NECTIN2: variants seen among roughly 807,000 people sequenced by gnomAD.
NECTIN2 encodes nectin-2.
A neutral mutation model predicts 56.9 loss-of-function variants in NECTIN2; 23 were observed. The ratio of observed to expected loss-of-function variants is 0.40; its 90% CI spans 0.29 to 0.57. The LOEUF (loss-of-function observed/expected upper bound fraction) is 0.57, where lower values mean the gene tolerates loss of function less well. Among genes scored for constraint, NECTIN2 ranks in the 20% least tolerant of loss-of-function variants. NECTIN2 has a pLI of 0.38. For missense variants in NECTIN2, 587 were observed against 718.3 expected (o/e 0.82, Z 2.09); for synonymous variants, 302 against 313.8 (o/e 0.96, Z 0.40).
At chr19:44,878,992 A>T in intron 5 of NECTIN2, 10 of 825,600 alleles carry the variant, frequency 1.2e-5, no homozygotes, top group African/African-American at 1.8e-5. Flanking sequence ...GGGGAAAGAG[A>T]GGGTGGGACA....
chr19:44,873,530 G>A (rs1010435749), intron 3 of NECTIN2, among the ~76,000 whole-genome samples: 3 of 152,152 alleles, frequency 2.0e-5, no homozygotes, highest in Admixed American at 6.6e-5. Context: ...CCATTTGGGA[G>A]GCTGAGGCGG....
chr19:44,886,010 T>G lies in NECTIN2; in HGVS notation c.1260+10T>G. On this transcript the variant is annotated intron_variant, in intron 7 of 8. Transcript: ENST00000252483. ...GGAGGCACAGGAGATGGTGAGCACTTTCCCTGGAGCCCAAGCTATCCCCAC... is the reference window on the plus strand; with the variant it reads ...GGAGGCACAGGAGATGGTGAGCACTGTCCCTGGAGCCCAAGCTATCCCCAC... The G allele has an allele frequency of 6.3e-7, 1 of 1,597,986 alleles. No individual in the cohort carries two copies. The highest frequency in any genetic ancestry group is 8.6e-7 in the Non-Finnish European group (1 of 1,165,506).
intron 1 of NECTIN2, among the ~76,000 whole-genome samples, chr19:44,861,514 A>C (rs1969031290): frequency 6.6e-6 from 1 of 152,234 alleles, no homozygotes; most frequent in African/African-American, 2.4e-5. Context: ...ATGGGATCTA[A>C]TTAAACTAAA....
chr19:44,886,474 A>C (rs1452938439), intron 8 of NECTIN2, among the ~76,000 whole-genome samples: 1 of 152,154 alleles, frequency 6.6e-6, no homozygotes, highest in East Asian at 1.9e-4. Context: ...TAATCCCAGC[A>C]CTTTGGGAGG....
intron 8 of NECTIN2, 49 bp from the exon 9 acceptor site, chr19:44,888,061 G>A: frequency 6.3e-7 from 1 of 1,576,568 alleles, no homozygotes; most frequent in Non-Finnish European, 8.6e-7. Flanking sequence ...GGTAATCTGT[G>A]TCGTGCGTAG....
At chr19:44,877,202 CAG>C (rs1469956499) in intron 5 of NECTIN2, among the ~76,000 whole-genome samples, 27 of 152,308 alleles carry the variant, frequency 1.8e-4, no homozygotes, top group Admixed American at 3.3e-4. Flanking sequence ...TCCTGGGTCT[CAG>C]CCCCTCCTGT....
rs891133796 is a variant in NECTIN2 at position 44,853,575 on chromosome 19, G to A, written c.88+6962G>A. ...GCAATCTCAGCTCACTACAACCTCC[G>A]CCTGCTAGGTTCAAGTGATTCTCCT... On this transcript the variant is annotated intron_variant, in intron 1 of 8. Coordinates refer to ENST00000252483, the MANE Select transcript of NECTIN2 (RefSeq NM_001042724.2). Among the ~76,000 whole-genome samples the A allele has an allele frequency of 8.0e-5, 12 of 149,732 alleles. No individual in the cohort carries two copies. In the East Asian group the frequency reaches 1.4e-3, roughly 17 times the overall value.
chr19:44,856,405 C>T (rs1476376315), intron 1 of NECTIN2, among the ~76,000 whole-genome samples: 2 of 152,178 alleles, frequency 1.3e-5, no homozygotes, highest in African/African-American at 4.8e-5. Context: ...GCTGTCTGGT[C>T]ATCTATCTCT....
rs761478093 is a variant in NECTIN2, at chr19:44,874,392, T to C, written c.956T>C (p.Val319Ala). The C allele has an allele frequency of 1.9e-6, 3 of 1,614,146 alleles. No homozygotes were observed. The highest frequency in any genetic ancestry group is 2.5e-6 in the Non-Finnish European group (3 of 1,180,008). Residue 319 changes from valine (V) to alanine (A), a missense_variant, in exon 5 of 9, where the codon GTG becomes GCG. Transcript: ENST00000252483. The surrounding 1 kb of genome is among the most constrained non-coding windows in gnomAD (Gnocchi z 6.3). Reference sequence around the variant, plus strand: ...GGCTCCCAGCTGGTCATCCACGCAGTGGACAGTCTGTTCAATACCACCTTC... The same window carrying C: ...GGCTCCCAGCTGGTCATCCACGCAGCGGACAGTCTGTTCAATACCACCTTC... ...AQGSQLVIHA[V>A]DSLFNTTFVC...
intron 5 of NECTIN2, among the ~76,000 whole-genome samples, chr19:44,879,340 G>A (rs533074900): frequency 3.3e-5 from 5 of 152,162 alleles, no homozygotes; most frequent in African/African-American, 1.2e-4. Context: ...GGTTCCCTGC[G>A]TCCTGAGAGA....
intron 1 of NECTIN2, among the ~76,000 whole-genome samples, chr19:44,859,267 C>G (rs1049678672): frequency 1.3e-5 from 2 of 152,192 alleles, no homozygotes; most frequent in Non-Finnish European, 2.9e-5. Context: ...GTTTACTTAG[C>G]AAGCACTGAC....
In NECTIN2 at chr19:44,872,168, AC is replaced by A. The variant is rs774702843; in HGVS notation, c.775+23del. The A allele has an allele frequency of 2.4e-5, 39 of 1,602,902 alleles. No homozygotes were observed. Among genetic ancestry groups the A allele is most frequent in the Non-Finnish European group, 3.3e-5 (39 of 1,171,652 alleles). ...GTACGCTGTGAGTGTATCGGGGGTG[AC>A]CCCTCCCCCATCAAAACTGCCTACA... On this transcript the variant is annotated intron_variant, in intron 3 of 8. Transcript: ENST00000252483.
chr19:44,879,299 G>C (rs965714271), intron 5 of NECTIN2, among the ~76,000 whole-genome samples: 2 of 152,044 alleles, frequency 1.3e-5, no homozygotes, highest in African/African-American at 4.8e-5. Flanking sequence ...CTCGGGTGGA[G>C]GTGGGGGTGG....
Position 44,870,887 on chromosome 19 carries a change from G to A in NECTIN2, c.479-966G>A, listed in dbSNP as rs1332084095. ...TGGGATTACAGGCACCTGCCACCAC[G>A]CCCAGCTAATTTTTGCATTTTTAGT... On this transcript the variant is annotated intron_variant, in intron 2 of 8. Transcript: ENST00000252483. 2.6e-5 allele frequency among the ~76,000 whole-genome samples: 4 copies of A among 152,064 alleles called. 1 individual carries two copies. Among genetic ancestry groups the A allele is most frequent in the Non-Finnish European group, 5.9e-5 (4 of 67,974 alleles).
chr19:44,868,895 G>C (rs1425715483), intron 2 of NECTIN2, among the ~76,000 whole-genome samples: 1 of 149,600 alleles, frequency 6.7e-6, no homozygotes, highest in Non-Finnish European at 1.5e-5. Flanking sequence ...CTGGGCGACA[G>C]AGTGAGACTC....
chr19:44,874,695 G>A lies in NECTIN2; in HGVS notation c.1042+217G>A. On this transcript the variant is annotated intron_variant, in intron 5 of 8. Coordinates refer to ENST00000252483, the MANE Select transcript of NECTIN2 (RefSeq NM_001042724.2). This position sits in a 1 kb window ranked among gnomAD's most constrained non-coding sequence, Gnocchi z 6.3. ...CGGGGTAGGTGAAGGCAGCAGAGTT[G>A]GGGGGTTGAGGACTTTGCTCGGGGT... 1.7e-6 allele frequency: 1 copy of A among 576,076 alleles called. No homozygotes were observed. Among genetic ancestry groups the A allele is most frequent in the Non-Finnish European group, 3.1e-6 (1 of 325,618 alleles). The allele number at this position is 576,076 out of a possible 1,614,324, so 35.7% of individuals were successfully genotyped here. A position where few individuals can be genotyped will look rare whatever the true frequency, so the allele number is the denominator to read the frequency against.
intron 2 of NECTIN2, among the ~76,000 whole-genome samples, chr19:44,871,293 G>A (rs772194338): frequency 7.9e-5 from 12 of 152,164 alleles, no homozygotes; most frequent in African/African-American, 1.4e-4. Context: ...TTGGGGAGCC[G>A]AGGTGGGAAG....
intron 1 of NECTIN2, among the ~76,000 whole-genome samples, chr19:44,857,622 G>A (rs140313986): frequency 7.3e-4 from 111 of 151,860 alleles, no homozygotes; most frequent in African/African-American, 2.6e-3. Context: ...GGCTGGTCTC[G>A]AACTCCTGAC....
intron 5 of NECTIN2, among the ~76,000 whole-genome samples, chr19:44,880,774 ATTTT>A (rs750316064): frequency 8.2e-6 from 1 of 122,104 alleles, no homozygotes; most frequent in Non-Finnish European, 1.7e-5. Flanking sequence ...CCCCTGGCTA[ATTTT>A]TTTTTTTTTT....
Sources: allele counts gnomAD v4.1 joint callset (sites outside exome capture counted in the v4.1 genomes callset), GRCh38; gene constraint gnomAD v4.1.1; non-coding constraint Gnocchi (gnomAD v3.1); transcripts MANE v1.5; gene names NCBI Gene and HGNC (gene_info 2026-07-23, HGNC 2026-07-21).